Variants in MARCHF10 observed in about 807,000 individuals in gnomAD.
MARCHF10 encodes probable E3 ubiquitin-protein ligase MARCHF10.
In MARCHF10, 64 loss-of-function variants were observed where a neutral mutation model predicts 76.2. That is an observed-to-expected ratio of 0.84 (90% confidence interval 0.69 to 1.03). MARCHF10 has a LOEUF of 1.03. MARCHF10 is among the 50% of genes least tolerant of loss of function. The probability of loss-of-function intolerance (pLI) is 0.00; values close to 1 mark genes in which losing one functional copy is unlikely to be tolerated. For missense variants in MARCHF10, 875 were observed against 958.0 expected (o/e 0.91, Z 1.14); for synonymous variants, 340 against 357.5 (o/e 0.95, Z 0.55).
At chr17:62,798,509 G>A (rs1393794540) in intron 2 of MARCHF10, among the ~76,000 whole-genome samples, 2 of 151,902 alleles carry the variant, frequency 1.3e-5, no homozygotes, top group Non-Finnish European at 2.9e-5. Flanking sequence ...AACGTCAAAG[G>A]TAGTTAAGAC....
chr17:62,748,346 G>A (rs1305465688), intron 4 of MARCHF10, among the ~76,000 whole-genome samples: 3 of 151,604 alleles, frequency 2.0e-5, no homozygotes, highest in East Asian at 1.9e-4. Flanking sequence ...GCAGTGAGCC[G>A]AGATCACACC....
At chr17:62,705,070 C>T in intron 10 of MARCHF10, 2 of 1,028,122 alleles carry the variant, frequency 1.9e-6, no homozygotes, top group Non-Finnish European at 2.3e-6. Flanking sequence ...TGTTCAACCT[C>T]TGAATTCAGC....
At chr17:62,798,689 G>C (rs1033645337) in intron 2 of MARCHF10, among the ~76,000 whole-genome samples, 6 of 152,174 alleles carry the variant, frequency 3.9e-5, no homozygotes, top group Non-Finnish European at 8.8e-5. Flanking sequence ...GGGACATCTG[G>C]GATGAGGCAG....
intron 10 of MARCHF10, 161 bp downstream of exon 10, chr17:62,705,378 G>C: frequency 2.6e-6 from 4 of 1,533,264 alleles, no homozygotes; most frequent in Non-Finnish European, 3.5e-6. Flanking sequence ...TCGCCTTCCT[G>C]ATTGTTTGCT....
In MARCHF10 at chr17:62,805,482, T is replaced by C. The variant is rs73992069; in HGVS notation, c.-18+2595A>G. On this transcript the variant is annotated intron_variant, in intron 1 of 10. Coordinates refer to ENST00000311269, the MANE Select transcript of MARCHF10 (RefSeq NM_152598.4). ...TACATTTTGGTTGCCAAAGTTAATA[T>C]AGAAAGCCGGTTAATCTATCACGGC... Among the ~76,000 whole-genome samples the C allele has an allele frequency of 1.6e-3, 251 of 152,324 alleles. 2 individuals are homozygous for C. The highest frequency in any genetic ancestry group is 5.6e-3 in the African/African-American group (234 of 41,560).
intron 3 of MARCHF10, 41 bp from the exon 4 acceptor site, chr17:62,760,047 AG>A: frequency 5.1e-6 from 8 of 1,569,344 alleles, no homozygotes; most frequent in Non-Finnish European, 7.0e-6. Flanking sequence ...GTGGCCAAGT[AG>A]GTCAACTTTG....
intron 6 of MARCHF10, among the ~76,000 whole-genome samples, chr17:62,730,011 G>C (rs895709202): frequency 6.6e-6 from 1 of 152,112 alleles, no homozygotes; most frequent in Non-Finnish European, 1.5e-5. Context: ...GTGAAGCCCC[G>C]TCTCTACTAA....
intron 5 of MARCHF10, among the ~76,000 whole-genome samples, chr17:62,741,690 GTATTTT>G (rs1261336679): frequency 3.3e-5 from 5 of 152,004 alleles, no homozygotes; most frequent in Admixed American, 6.6e-5. Context: ...TTAGCCATCT[GTATTTT>G]TATTTTTATT....
intron 9 of MARCHF10, among the ~76,000 whole-genome samples, chr17:62,707,093 A>G (rs1276376895): frequency 6.6e-6 from 1 of 152,030 alleles, no homozygotes; most frequent in African/African-American, 2.4e-5. Flanking sequence ...ATGCTCCCAC[A>G]CGGGCCCCCT....
intron 8 of MARCHF10, among the ~76,000 whole-genome samples, chr17:62,718,591 C>T (rs1240699786): frequency 6.6e-6 from 1 of 152,206 alleles, no homozygotes; most frequent in Non-Finnish European, 1.5e-5. Context: ...TCGGCAGGCT[C>T]CGTTGCCCAA....
intron 5 of MARCHF10, among the ~76,000 whole-genome samples, chr17:62,740,206 T>C (rs1448232362): frequency 6.6e-6 from 1 of 152,126 alleles, no homozygotes; most frequent in Non-Finnish European, 1.5e-5. Flanking sequence ...GGGCTGGGAA[T>C]AGACAGGCAC....
At chr17:62,802,676 A>G (rs1404311497) in intron 1 of MARCHF10, among the ~76,000 whole-genome samples, 1 of 152,184 alleles carries the variant, frequency 6.6e-6, no homozygotes, top group Non-Finnish European at 1.5e-5. Flanking sequence ...TCCTTAGGCA[A>G]TGACACTGGG....
At chr17:62,792,843 TCCA>T (rs1183372331) in intron 2 of MARCHF10, among the ~76,000 whole-genome samples, 61 of 62,396 alleles carry the variant, frequency 9.8e-4, no homozygotes, top group African/African-American at 3.4e-3. Flanking sequence ...CACCACCACC[TCCA>T]CCACCACCAC....
chr17:62,753,875 C>T (rs896975495), intron 4 of MARCHF10, among the ~76,000 whole-genome samples: 3 of 152,082 alleles, frequency 2.0e-5, no homozygotes, highest in Admixed American at 6.6e-5. Flanking sequence ...CCCCATTACC[C>T]GGCAGGTAAA....
At chr17:62,743,289 G>A (rs2091581393) in intron 5 of MARCHF10, among the ~76,000 whole-genome samples, 1 of 152,140 alleles carries the variant, frequency 6.6e-6, no homozygotes, top group Non-Finnish European at 1.5e-5. Flanking sequence ...CAGATTCCAA[G>A]CCATCAAAAT....
chr17:62,805,490 C>T (rs768563065), intron 1 of MARCHF10, among the ~76,000 whole-genome samples: 21 of 152,160 alleles, frequency 1.4e-4, no homozygotes, highest in South Asian at 2.1e-4. Context: ...TATAGAAAGC[C>T]GGTTAATCTA....
chr17:62,731,230 T>C (rs747303710), intron 6 of MARCHF10, among the ~76,000 whole-genome samples: 1 of 152,178 alleles, frequency 6.6e-6, no homozygotes, highest in Non-Finnish European at 1.5e-5. Context: ...ATGGGAAAAG[T>C]AAAAACATAT....
chr17:62,771,312 T>A (rs1208226220), intron 3 of MARCHF10, among the ~76,000 whole-genome samples: 2 of 151,814 alleles, frequency 1.3e-5, no homozygotes, highest in Non-Finnish European at 2.9e-5. Flanking sequence ...CCTATGGAAG[T>A]GACCTCAGCT....
chr17:62,785,829 A>G (rs1274599672), intron 3 of MARCHF10, among the ~76,000 whole-genome samples: 1 of 152,218 alleles, frequency 6.6e-6, no homozygotes, highest in Non-Finnish European at 1.5e-5. Flanking sequence ...ACAATAAGAT[A>G]CCATCTCACA....
Sources: gnomAD v4.1 joint callset for allele counts (sites outside exome capture counted in the v4.1 genomes callset) on GRCh38, gnomAD v4.1.1 for gene constraint, MANE v1.5 for transcripts, NCBI Gene and HGNC (gene_info 2026-07-23, HGNC 2026-07-21) for gene names.